NALF1: variants seen among roughly 807,000 people sequenced by gnomAD.
NALF1 encodes the protein NALCN channel auxiliary factor 1, also known as family with sequence similarity 155 member A.
A neutral mutation model predicts 48.4 loss-of-function variants in NALF1; 3 were observed. That is an observed-to-expected ratio of 0.06 (90% confidence interval 0.03 to 0.16). The LOEUF is 0.16. NALF1 is among the 10% of genes least tolerant of loss of function. The probability of loss-of-function intolerance (pLI) is 1.00; values close to 1 mark genes in which losing one functional copy is unlikely to be tolerated. For missense variants in NALF1, 526 were observed against 571.5 expected (o/e 0.92, Z 0.81); for synonymous variants, 262 against 245.7 (o/e 1.07, Z -0.62).
At chr13:107,769,447 AC>A (rs1877512263) in intron 1 of NALF1, among the ~76,000 whole-genome samples, 1 of 145,292 alleles carries the variant, frequency 6.9e-6, no homozygotes, top group Admixed American at 6.9e-5. Flanking sequence ...AGAACAAAAA[AC>A]CAAACACCGC....
chr13:107,574,277 T>C (rs1009932116), intron 1 of NALF1, among the ~76,000 whole-genome samples: 13 of 152,180 alleles, frequency 8.5e-5, no homozygotes, highest in Non-Finnish European at 5.9e-5. Flanking sequence ...GCTAATGTCA[T>C]AGCCCCATCA....
intron 1 of NALF1, among the ~76,000 whole-genome samples, chr13:107,412,519 A>G (rs745513932): frequency 1.2e-3 from 176 of 142,166 alleles, no homozygotes; most frequent in Non-Finnish European, 1.9e-3. Context: ...TGGATATACT[A>G]TATACCATCT....
chr13:107,347,245 G>C (rs1011127144), intron 1 of NALF1, among the ~76,000 whole-genome samples: 1 of 152,164 alleles, frequency 6.6e-6, no homozygotes, highest in South Asian at 2.1e-4. Context: ...TGCCCCACCT[G>C]CCTTGGGGTC....
intron 1 of NALF1, among the ~76,000 whole-genome samples, chr13:107,854,996 C>T (rs1283384202): frequency 6.6e-6 from 1 of 152,132 alleles, no homozygotes; most frequent in African/African-American, 2.4e-5. Flanking sequence ...AGGCAGATAA[C>T]CTCGTGGATC....
At chr13:107,205,517 T>C (rs989559576) in intron 2 of NALF1, among the ~76,000 whole-genome samples, 3 of 152,006 alleles carry the variant, frequency 2.0e-5, no homozygotes, top group East Asian at 3.9e-4. Context: ...CCATCTCCCA[T>C]TGCAGCCTCA....
chr13:107,430,067 T>A (rs1265528450), intron 1 of NALF1, among the ~76,000 whole-genome samples: 1 of 152,172 alleles, frequency 6.6e-6, no homozygotes. Context: ...AAGAGAGATA[T>A]CCATTTCTGC....
chr13:107,572,022 G>A (rs971309109), intron 1 of NALF1, among the ~76,000 whole-genome samples: 3 of 152,062 alleles, frequency 2.0e-5, no homozygotes, highest in African/African-American at 4.8e-5. Context: ...ACCTTAGCAC[G>A]TCAACTATCA....
chr13:107,343,815 G>A (rs183703268), intron 1 of NALF1, among the ~76,000 whole-genome samples: 3 of 151,840 alleles, frequency 2.0e-5, no homozygotes, highest in Non-Finnish European at 4.4e-5. Flanking sequence ...GAAAAAGAAC[G>A]AAGTAAACAG....
intron 1 of NALF1, among the ~76,000 whole-genome samples, chr13:107,577,173 T>G (rs981488431): frequency 6.6e-6 from 1 of 152,138 alleles, no homozygotes; most frequent in Non-Finnish European, 1.5e-5. Context: ...GTTCCAGAGG[T>G]AGAAGGCGAA....
At chr13:107,264,227 A>G (rs75265871) in intron 1 of NALF1, among the ~76,000 whole-genome samples, 4,912 of 148,976 alleles carry the variant, frequency 0.033, 279 homozygotes, top group African/African-American at 0.12. Flanking sequence ...TGCCAACTTA[A>G]TAATTATCAT....
At chr13:107,679,392 G>A in intron 1 of NALF1, among the ~76,000 whole-genome samples, 1 of 152,152 alleles carries the variant, frequency 6.6e-6, no homozygotes, top group East Asian at 1.9e-4. Flanking sequence ...TATAATAGTT[G>A]CTCAATAAAT....
chr13:107,761,922 A>C (rs1212545500), intron 1 of NALF1, among the ~76,000 whole-genome samples: 1 of 152,240 alleles, frequency 6.6e-6, no homozygotes, highest in Non-Finnish European at 1.5e-5. Flanking sequence ...ATTTAATATA[A>C]GGATTTAAAT....
chr13:107,690,182 C>T (rs974697453), intron 1 of NALF1, among the ~76,000 whole-genome samples: 3 of 152,170 alleles, frequency 2.0e-5, no homozygotes, highest in African/African-American at 7.2e-5. Flanking sequence ...AGAAACTGCA[C>T]TGAGACTGTT....
At chr13:107,614,138 T>G (rs896004615) in intron 1 of NALF1, among the ~76,000 whole-genome samples, 3 of 152,310 alleles carry the variant, frequency 2.0e-5, no homozygotes, top group South Asian at 2.1e-4. Flanking sequence ...AGTATGGGCA[T>G]AGGGATGAGA....
chr13:107,359,950 T>C (rs545947766), intron 1 of NALF1, among the ~76,000 whole-genome samples: 1 of 152,294 alleles, frequency 6.6e-6, no homozygotes, highest in South Asian at 2.1e-4. Flanking sequence ...TAACCTGTAA[T>C]CATTTTTACT....
At chr13:107,226,359 C>T (rs777674313) in intron 1 of NALF1, among the ~76,000 whole-genome samples, 7 of 152,068 alleles carry the variant, frequency 4.6e-5, no homozygotes, top group East Asian at 3.9e-4. Flanking sequence ...CATTTTTCAG[C>T]GTAAGCACAA....
At chr13:107,860,865 T>C (rs901587652) in intron 1 of NALF1, among the ~76,000 whole-genome samples, 39 of 152,230 alleles carry the variant, frequency 2.6e-4, no homozygotes, top group African/African-American at 9.2e-4. Context: ...AGAGCATTGC[T>C]TGATTTCCTT....
intron 1 of NALF1, among the ~76,000 whole-genome samples, chr13:107,470,155 T>C (rs1053548973): frequency 1.3e-5 from 2 of 152,178 alleles, no homozygotes; most frequent in African/African-American, 4.8e-5. Context: ...AATGCTAGAA[T>C]AATAAAATCT....
intron 1 of NALF1, among the ~76,000 whole-genome samples, chr13:107,424,539 C>T (rs939919882): frequency 6.6e-5 from 10 of 152,104 alleles, no homozygotes; most frequent in African/African-American, 2.4e-4. Flanking sequence ...CCTACCTCTG[C>T]TGCTACAAAT....
Sources: gnomAD v4.1 joint callset for allele counts (sites outside exome capture counted in the v4.1 genomes callset) on GRCh38, gnomAD v4.1.1 for gene constraint, MANE v1.5 for transcripts, NCBI Gene and HGNC (gene_info 2026-07-23, HGNC 2026-07-21) for gene names.